SYT14: variants seen among roughly 807,000 people sequenced by gnomAD.
The protein encoded by SYT14 is synaptotagmin 14, also known as synaptotagmin-14.
In SYT14, 32 loss-of-function variants were observed where a neutral mutation model predicts 74.2. That is an observed-to-expected ratio of 0.43 (90% confidence interval 0.33 to 0.58). The LOEUF (loss-of-function observed/expected upper bound fraction) is 0.58. Among genes scored for constraint, SYT14 ranks in the 20% least tolerant of loss-of-function variants. The pLI is 0.05. For missense variants in SYT14, 791 were observed against 981.8 expected (o/e 0.81, Z 2.60); for synonymous variants, 298 against 337.7 (o/e 0.88, Z 1.29).
intron 7 of SYT14, among the ~76,000 whole-genome samples, chr1:210,104,754 A>T (rs2082128813): frequency 6.6e-6 from 1 of 152,210 alleles, no homozygotes; most frequent in South Asian, 2.1e-4. Flanking sequence ...TCTTTATCTC[A>T]CAAACATACA....
At chr1:210,031,751 G>A (rs2080541124) in intron 5 of SYT14, among the ~76,000 whole-genome samples, 1 of 152,038 alleles carries the variant, frequency 6.6e-6, no homozygotes, top group South Asian at 2.1e-4. Context: ...TTGTGGTGGA[G>A]ATTGCTATCT....
intron 7 of SYT14, among the ~76,000 whole-genome samples, chr1:210,112,895 G>C (rs529418561): frequency 3.3e-5 from 5 of 151,534 alleles, no homozygotes; most frequent in Non-Finnish European, 1.5e-5. Context: ...TCAAGGCAAT[G>C]AGTTCAGCTT....
chr1:209,954,255 AAAATT>A (rs1389597393), intron 2 of SYT14, among the ~76,000 whole-genome samples: 9 of 152,206 alleles, frequency 5.9e-5, no homozygotes, highest in Admixed American at 4.6e-4. Flanking sequence ...TACAATGGAG[AAAATT>A]AGATAAGGAT....
chr1:210,100,328 G>A lies in SYT14; in HGVS notation c.1901G>A (p.Arg634Gln), dbSNP rs746106239. The A allele has an allele frequency of 1.9e-6, 3 of 1,613,972 alleles. No individual in the cohort carries two copies. In the South Asian group the frequency reaches 3.3e-5, roughly 18 times the overall value. Residue 634 changes from arginine to glutamine, a missense_variant, in exon 7 of 10, where the codon CGG (arginine) becomes CAG (glutamine). Arg to Gln is a conservative substitution (Grantham distance 43). Coordinates refer to ENST00000637265, the Ensembl canonical transcript of SYT14. The stretch of plus-strand genomic sequence containing the variant: ...GAGATGATTGGAAATTATGCAGTTC[G>A]GTTTAGACTGTATGGTGTACATCGC...
intron 5 of SYT14, among the ~76,000 whole-genome samples, chr1:210,065,488 C>T (rs1273535765): frequency 6.6e-6 from 1 of 151,878 alleles, no homozygotes; most frequent in Non-Finnish European, 1.5e-5. Flanking sequence ...CTGTGCTGAA[C>T]TGTGAGTCAG....
intron 5 of SYT14, among the ~76,000 whole-genome samples, chr1:210,026,681 A>G (rs1389269518): frequency 6.6e-6 from 1 of 151,788 alleles, no homozygotes; most frequent in African/African-American, 2.4e-5. Context: ...TTATAGCTAT[A>G]TCACAAACTT....
chr1:210,067,136 A>T (rs1239604333), intron 5 of SYT14, among the ~76,000 whole-genome samples: 2 of 152,044 alleles, frequency 1.3e-5, no homozygotes, highest in Non-Finnish European at 2.9e-5. Flanking sequence ...TGGACTGTCA[A>T]GTATATGTCA....
chr1:209,976,914 G>T (rs1405061684), intron 2 of SYT14, among the ~76,000 whole-genome samples: 1 of 152,072 alleles, frequency 6.6e-6, no homozygotes, highest in Non-Finnish European at 1.5e-5. Context: ...ATATATTTAG[G>T]ATAGTTAGCT....
At chr1:210,028,489 A>T (rs946927926) in intron 5 of SYT14, among the ~76,000 whole-genome samples, 4 of 151,292 alleles carry the variant, frequency 2.6e-5, no homozygotes, top group Admixed American at 6.6e-5. Context: ...GATTTTAACT[A>T]CTCTAAGTAC....
At chr1:209,985,562 T>G (rs1230807090) in intron 2 of SYT14, among the ~76,000 whole-genome samples, 1 of 152,224 alleles carries the variant, frequency 6.6e-6, no homozygotes, top group Non-Finnish European at 1.5e-5. Context: ...TCTGCCACTC[T>G]GGAGTCTGGA....
At chr1:210,156,542 T>C (rs916575162) in intron 8 of SYT14, among the ~76,000 whole-genome samples, 5 of 152,140 alleles carry the variant, frequency 3.3e-5, no homozygotes, top group Admixed American at 6.5e-5. Flanking sequence ...ATGCGTGTTA[T>C]GTCTGTTACT....
At chr1:210,159,302 G>A in intron 8 of SYT14, 119 bp from the exon 8 acceptor site, 1 of 961,008 alleles carries the variant, frequency 1.0e-6, no homozygotes, top group Non-Finnish European at 1.6e-6. Flanking sequence ...CTAAAGTTTT[G>A]TGTTCTTCCA....
At chr1:210,038,161 G>C (rs1462998934) in intron 5 of SYT14, among the ~76,000 whole-genome samples, 1 of 152,012 alleles carries the variant, frequency 6.6e-6, no homozygotes, top group South Asian at 2.1e-4. Flanking sequence ...CTTTATCATT[G>C]TATAATGCCC....
chr1:210,047,447 G>T (rs2080906810), intron 5 of SYT14, among the ~76,000 whole-genome samples: 3 of 152,076 alleles, frequency 2.0e-5, no homozygotes, highest in Non-Finnish European at 4.4e-5. Context: ...GGCCGGGCTG[G>T]AGTGCAATGG....
intron 1 of SYT14, among the ~76,000 whole-genome samples, chr1:209,949,000 C>T (rs552782878): frequency 2.7e-4 from 41 of 152,274 alleles, no homozygotes; most frequent in Non-Finnish European, 4.1e-4. Flanking sequence ...AAGCAGTACA[C>T]CACTTTTTGG....
intron 6 of SYT14, among the ~76,000 whole-genome samples, chr1:210,095,528 G>A (rs1036760343): frequency 3.3e-5 from 5 of 152,146 alleles, no homozygotes; most frequent in Admixed American, 2.0e-4. Flanking sequence ...TGCTGGGTTT[G>A]CAGGCATAAG....
intron 5 of SYT14, among the ~76,000 whole-genome samples, chr1:210,047,580 G>C (rs563372616): frequency 1.3e-5 from 2 of 152,172 alleles, no homozygotes; most frequent in African/African-American, 2.4e-5. Context: ...TGTATCTTTA[G>C]TGGAGATGGA....
At chr1:210,049,959 C>T (rs1302330826) in intron 5 of SYT14, among the ~76,000 whole-genome samples, 1 of 152,172 alleles carries the variant, frequency 6.6e-6, no homozygotes, top group Non-Finnish European at 1.5e-5. Context: ...CGGTGAAGAC[C>T]TCTGACATGC....
At chr1:210,118,699 G>A (rs112275197) in intron 7 of SYT14, among the ~76,000 whole-genome samples, 33 of 152,044 alleles carry the variant, frequency 2.2e-4, no homozygotes, top group Admixed American at 9.2e-4. Context: ...GGCTGGTCTC[G>A]AACTCCTGAC....
Sources: gnomAD v4.1 joint callset for allele counts (sites outside exome capture counted in the v4.1 genomes callset) on GRCh38, gnomAD v4.1.1 for gene constraint, MANE v1.5 for transcripts, NCBI Gene and HGNC (gene_info 2026-07-23, HGNC 2026-07-21) for gene names.